The following PTPRD variants were observed in gnomAD, a reference collection of about 807,000 sequenced individuals.
PTPRD encodes receptor-type tyrosine-protein phosphatase delta.
Under a neutral mutation model 214.5 loss-of-function variants are expected in PTPRD, and 34 were observed. The ratio of observed to expected loss-of-function variants is 0.16; its 90% CI spans 0.12 to 0.21. The LOEUF (loss-of-function observed/expected upper bound fraction) is 0.21. PTPRD is among the 10% of genes least tolerant of loss of function. PTPRD has a pLI of 1.00. For synonymous variants in PTPRD, 1,128 were observed against 845.7 expected (o/e 1.33, Z -5.79); for missense variants, 2,545 against 2,398.7 (o/e 1.06, Z -1.27).
At chr9:8,490,122 G>A (rs1166461208) in intron 27 of PTPRD, among the ~76,000 whole-genome samples, 1 of 152,168 alleles carries the variant, frequency 6.6e-6, no homozygotes, top group Non-Finnish European at 1.5e-5. Flanking sequence ...TTGGTAAGAT[G>A]AAAGGGTCTT....
intron 8 of PTPRD, among the ~76,000 whole-genome samples, chr9:9,527,460 C>T (rs1228300780): frequency 6.6e-6 from 1 of 152,108 alleles, no homozygotes; most frequent in Non-Finnish European, 1.5e-5. Context: ...GTCTCTTCAT[C>T]AGAAAATAAT....
intron 8 of PTPRD, among the ~76,000 whole-genome samples, chr9:9,551,424 T>G (rs1407191411): frequency 6.6e-6 from 1 of 152,024 alleles, no homozygotes; most frequent in Non-Finnish European, 1.5e-5. Flanking sequence ...ACATTGATTA[T>G]ATTTAATTTT....
At chr9:9,275,150 AT>A (rs1202374636) in intron 9 of PTPRD, among the ~76,000 whole-genome samples, 1 of 64,820 alleles carries the variant, frequency 1.5e-5, no homozygotes, top group Non-Finnish European at 2.5e-5. Context: ...TATATATAAT[AT>A]ATTATATATA....
At chr9:9,649,072 G>A (rs1243311636) in intron 7 of PTPRD, among the ~76,000 whole-genome samples, 1 of 152,092 alleles carries the variant, frequency 6.6e-6, no homozygotes, top group Non-Finnish European at 1.5e-5. Flanking sequence ...AATTGGGCGA[G>A]AGTTTGGGAG....
intron 9 of PTPRD, among the ~76,000 whole-genome samples, chr9:9,310,580 C>A (rs990071826): frequency 2.6e-5 from 4 of 152,194 alleles, no homozygotes; most frequent in Middle Eastern, 3.4e-3. Flanking sequence ...ATTTAATGAG[C>A]CGTTATTGAA....
At chr9:9,208,674 TAGAA>T in intron 9 of PTPRD, among the ~76,000 whole-genome samples, 1 of 152,216 alleles carries the variant, frequency 6.6e-6, no homozygotes, top group South Asian at 2.1e-4. Flanking sequence ...TTTCTCTATG[TAGAA>T]AGAAATAAAG....
At chr9:8,781,549 T>G (rs1288258851) in intron 11 of PTPRD, among the ~76,000 whole-genome samples, 1 of 152,126 alleles carries the variant, frequency 6.6e-6, no homozygotes, top group Admixed American at 6.5e-5. Flanking sequence ...AAAAAAGCAT[T>G]ATCCAAAGCA....
At chr9:9,341,169 T>C (rs2046646476) in intron 9 of PTPRD, among the ~76,000 whole-genome samples, 2 of 152,170 alleles carry the variant, frequency 1.3e-5, no homozygotes, top group Non-Finnish European at 2.9e-5. Flanking sequence ...AGTTGTAGAT[T>C]GTGGCCACTT....
rs1183123876 is a variant in PTPRD at position 10,497,839 on chromosome 9, CCA to C, written c.-600+114557_-600+114558del. Among the ~76,000 whole-genome samples the C allele has an allele frequency of 3.9e-5, 6 of 151,916 alleles. No individual in the cohort carries two copies. The South Asian group carries it at 1.2e-3, about 32-fold the overall frequency. The stretch of plus-strand genomic sequence containing the variant: ...AACGTTTATTGTTTTATAAAAATAT[CCA>C]CAGTCTTCTGACTATAAAAAACAGT... On this transcript the variant is annotated intron_variant, in intron 2 of 45. Transcript: ENST00000381196.
chr9:8,966,547 G>A (rs1288635097), intron 11 of PTPRD, among the ~76,000 whole-genome samples: 1 of 152,020 alleles, frequency 6.6e-6, no homozygotes, highest in East Asian at 1.9e-4. Flanking sequence ...TGAGACAACT[G>A]GCCAGCCATA....
intron 2 of PTPRD, among the ~76,000 whole-genome samples, chr9:10,510,965 G>C (rs1234178433): frequency 1.3e-5 from 2 of 152,026 alleles, no homozygotes; most frequent in African/African-American, 4.8e-5. Context: ...TTGTATTTCT[G>C]TGACTGGTTT....
chr9:8,709,514 C>CAAAAAA (rs758112672), intron 12 of PTPRD, among the ~76,000 whole-genome samples: 62 of 54,952 alleles, frequency 1.1e-3, no homozygotes, highest in East Asian at 2.9e-3. Context: ...GACTCCATCT[C>CAAAAAA]AAAAAAAAAA....
At chr9:9,484,585 G>T (rs1169422113) in intron 8 of PTPRD, among the ~76,000 whole-genome samples, 1 of 151,998 alleles carries the variant, frequency 6.6e-6, no homozygotes, top group Non-Finnish European at 1.5e-5. Context: ...TTTGTTTATG[G>T]TTGTTATTGG....
At chr9:9,377,501 T>C (rs1402708434) in intron 9 of PTPRD, among the ~76,000 whole-genome samples, 2 of 152,172 alleles carry the variant, frequency 1.3e-5, no homozygotes, top group Admixed American at 6.6e-5. Flanking sequence ...CTCATCCATA[T>C]ATACAACTCT....
At chr9:10,360,965 G>T (rs191618381) in intron 2 of PTPRD, among the ~76,000 whole-genome samples, 5 of 152,070 alleles carry the variant, frequency 3.3e-5, no homozygotes, top group African/African-American at 4.8e-5. Context: ...AGCCGGGCGT[G>T]GTGCCGGGCG....
chr9:10,211,601 TA>T (rs1479100061), intron 3 of PTPRD, among the ~76,000 whole-genome samples: 1 of 152,162 alleles, frequency 6.6e-6, no homozygotes, highest in Non-Finnish European at 1.5e-5. Context: ...AGGAACTCGT[TA>T]AAGATACAAT....
chr9:8,563,509 T>C (rs2087386524), intron 14 of PTPRD, among the ~76,000 whole-genome samples: 2 of 149,976 alleles, frequency 1.3e-5, no homozygotes, highest in South Asian at 4.3e-4. Flanking sequence ...GCAATCTTGG[T>C]ACACTGCAAC....
At chr9:9,952,163 C>T (rs1433059980) in intron 4 of PTPRD, among the ~76,000 whole-genome samples, 1 of 152,122 alleles carries the variant, frequency 6.6e-6, no homozygotes, top group Non-Finnish European at 1.5e-5. Flanking sequence ...AGGACACAAT[C>T]CTAACACAGT....
At chr9:8,407,350 ATTAAT>A (rs1329305161) in intron 35 of PTPRD, among the ~76,000 whole-genome samples, 1 of 152,176 alleles carries the variant, frequency 6.6e-6, no homozygotes, top group African/African-American at 2.4e-5. Context: ...GTAAAGAAAG[ATTAAT>A]TTAATTATTC....
Sources: allele counts gnomAD v4.1 joint callset (sites outside exome capture counted in the v4.1 genomes callset), GRCh38; gene constraint gnomAD v4.1.1; transcripts MANE v1.5; gene names NCBI Gene and HGNC (gene_info 2026-07-23, HGNC 2026-07-21).